MSI2: variants seen among roughly 807,000 people sequenced by gnomAD.
MSI2 encodes the protein RNA-binding protein Musashi homolog 2.
In MSI2, 17 loss-of-function variants were observed where a neutral mutation model predicts 45.6. The ratio of observed to expected loss-of-function variants is 0.37; its 90% CI spans 0.26 to 0.56. The LOEUF (loss-of-function observed/expected upper bound fraction) is 0.56, where lower values mean the gene tolerates loss of function less well. Ranked by LOEUF, MSI2 falls within the 20% of genes least tolerant of loss-of-function variation. MSI2 has a pLI of 0.77. For synonymous variants in MSI2, 156 were observed against 158.2 expected, an observed-to-expected ratio of 0.99 and a Z score of 0.11; for missense variants, 293 against 444.2, an observed-to-expected ratio of 0.66 and a Z score of 3.06.
chr17:57,317,371 C>T (rs565431367), intron 5 of MSI2, among the ~76,000 whole-genome samples: 1 of 152,186 alleles, frequency 6.6e-6, no homozygotes, highest in South Asian at 2.1e-4. Context: ...AATTTTAACC[C>T]CATCAGAAAG....
intron 5 of MSI2, among the ~76,000 whole-genome samples, chr17:57,308,507 G>A (rs535244433): frequency 1.3e-5 from 2 of 152,320 alleles, no homozygotes; most frequent in South Asian, 2.1e-4. Flanking sequence ...TAAGCAGAAT[G>A]TTTTATTGTG....
In MSI2 at chr17:57,326,726, T is replaced by C. The variant is rs551385862; in HGVS notation, c.312+64534T>C. Among the ~76,000 whole-genome samples the C allele has an allele frequency of 3.5e-4, 54 of 152,366 alleles. 1 individual carries two copies. In the South Asian group the frequency reaches 0.01, roughly 29 times the overall value. ...AACACTAGCCCTATGAGAAGTTACT[T>C]ATCTTATCCCTGTTTGATAGATGGG... On this transcript the variant is annotated intron_variant, in intron 5 of 13. Coordinates refer to ENST00000284073, the MANE Select transcript of MSI2 (RefSeq NM_138962.4).
intron 11 of MSI2, among the ~76,000 whole-genome samples, chr17:57,673,946 T>C (rs1416037784): frequency 6.6e-6 from 1 of 151,894 alleles, no homozygotes; most frequent in Admixed American, 6.6e-5. Context: ...TACTTCTTTG[T>C]CTTTTTTTTT....
rs1445373586 is a variant in MSI2 at position 57,647,115 on chromosome 17, A to G, written c.728-4984A>G. Among the ~76,000 whole-genome samples, 4 of 151,926 alleles carry G rather than the reference A, an allele frequency of 2.6e-5. No homozygotes were observed. In the East Asian group the frequency reaches 7.7e-4, roughly 29 times the overall value. The stretch of plus-strand genomic sequence containing the variant: ...CTATGAAGTTGGGATATTATGAAGG[A>G]TACCAGACCACTGTAATCAATAAGA... On this transcript the variant is annotated intron_variant, in intron 10 of 13. Transcript: ENST00000284073.
chr17:57,662,620 C>T (rs1415779120), intron 11 of MSI2, among the ~76,000 whole-genome samples: 2 of 152,244 alleles, frequency 1.3e-5, no homozygotes, highest in African/African-American at 4.8e-5. Context: ...AGCGGACGCT[C>T]CATCGTACCA....
intron 5 of MSI2, among the ~76,000 whole-genome samples, chr17:57,308,952 G>T (rs369546989): frequency 6.6e-6 from 1 of 152,104 alleles, no homozygotes; most frequent in Non-Finnish European, 1.5e-5. Flanking sequence ...TCAGTTACTC[G>T]TGCAAGGCCA....
rs1913705893 is a variant in MSI2, at chr17:57,682,955, G to A, written c.*3438G>A. The A allele has an allele frequency of 4.4e-6, 1 of 228,674 alleles. No homozygotes were observed. The highest frequency in any genetic ancestry group is 8.7e-6 in the Non-Finnish European group (1 of 115,232). The allele number at this position is 228,674 out of a possible 1,614,324, so 14.2% of individuals were successfully genotyped here. On this transcript the variant is annotated 3_prime_UTR_variant, in exon 14 of 14. Transcript: ENST00000284073. ...CCAAGCCTTGGTCTGCTCTCTAGCA[G>A]CTTCCACAGACTTGGCTCGTGGCCT...
At chr17:57,554,247 A>T (rs959418919) in intron 7 of MSI2, among the ~76,000 whole-genome samples, 1 of 150,418 alleles carries the variant, frequency 6.6e-6, no homozygotes, top group East Asian at 1.9e-4. Context: ...GAGGGGGGGG[A>T]TGGTTCTTAA....
At chr17:57,497,797 G>A (rs1448852198) in intron 6 of MSI2, among the ~76,000 whole-genome samples, 1 of 152,198 alleles carries the variant, frequency 6.6e-6, no homozygotes, top group African/African-American at 2.4e-5. Flanking sequence ...GTAGTTGGGG[G>A]CCGCTGCACT....
At chr17:57,292,841 A>G (rs550367921) in intron 5 of MSI2, among the ~76,000 whole-genome samples, 2 of 152,310 alleles carry the variant, frequency 1.3e-5, no homozygotes, top group African/African-American at 4.8e-5. Flanking sequence ...TGAAGGAAGT[A>G]TAAATGTACA....
At chr17:57,530,151 T>C (rs2086791192) in intron 7 of MSI2, among the ~76,000 whole-genome samples, 1 of 152,116 alleles carries the variant, frequency 6.6e-6, no homozygotes, top group Non-Finnish European at 1.5e-5. Context: ...AAATAAAACA[T>C]TGTAGGTTCG....
chr17:57,659,963 T>C (rs1911874438), intron 11 of MSI2, among the ~76,000 whole-genome samples: 1 of 152,212 alleles, frequency 6.6e-6, no homozygotes, highest in Non-Finnish European at 1.5e-5. Context: ...GGTACTGTCC[T>C]AAGCCTGATT....
chr17:57,301,779 GTT>G (rs34281730), intron 5 of MSI2, among the ~76,000 whole-genome samples: 12 of 148,128 alleles, frequency 8.1e-5, no homozygotes, highest in East Asian at 2.0e-4. Context: ...AATATTCTTG[GTT>G]TTTTTTTTTT....
Position 57,571,872 on chromosome 17 carries a change from C to G in MSI2, c.455-24996C>G, listed in dbSNP as rs116263044. 6.0e-3 allele frequency among the ~76,000 whole-genome samples: 907 copies of G among 152,316 alleles called. 5 individuals carry two copies. Among genetic ancestry groups the G allele is most frequent in the African/African-American group, 0.021 (865 of 41,556 alleles). On this transcript the variant is annotated intron_variant, in intron 7 of 13. Coordinates refer to ENST00000284073, the MANE Select transcript of MSI2 (RefSeq NM_138962.4). ...GACTGCGTGCCTCTGCCTTCCCCGCCCACATCAGGAGAGGGTCCCAAACCC... is the reference window on the plus strand; with the variant it reads ...GACTGCGTGCCTCTGCCTTCCCCGCGCACATCAGGAGAGGGTCCCAAACCC...
intron 7 of MSI2, among the ~76,000 whole-genome samples, chr17:57,548,321 T>C (rs1039682283): frequency 1.1e-4 from 16 of 151,822 alleles, no homozygotes; most frequent in African/African-American, 3.9e-4. Flanking sequence ...AGCTCTGACA[T>C]ATTAATTCGT....
chr17:57,513,916 A>G (rs899036732), intron 6 of MSI2, among the ~76,000 whole-genome samples: 3 of 152,190 alleles, frequency 2.0e-5, no homozygotes, highest in African/African-American at 7.2e-5. Context: ...AACGACAAAA[A>G]AAGAAATGTA....
chr17:57,321,505 A>C (rs1913341621), intron 5 of MSI2, among the ~76,000 whole-genome samples: 1 of 152,132 alleles, frequency 6.6e-6, no homozygotes, highest in Non-Finnish European at 1.5e-5. Context: ...GCTTCTCTGG[A>C]AACAGGAGGA....
chr17:57,352,469 A>G (rs1272836611), intron 5 of MSI2, among the ~76,000 whole-genome samples: 2 of 152,242 alleles, frequency 1.3e-5, no homozygotes, highest in African/African-American at 4.8e-5. Context: ...AGGGAAGCAG[A>G]TGAAGAGGAG....
chr17:57,294,338 G>A (rs1910735909), intron 5 of MSI2, among the ~76,000 whole-genome samples: 1 of 152,148 alleles, frequency 6.6e-6, no homozygotes, highest in African/African-American at 2.4e-5. Context: ...GTGCCGGCAG[G>A]TGCAGGGGCA....
Sources: gnomAD v4.1 joint callset for allele counts (sites outside exome capture counted in the v4.1 genomes callset) on GRCh38, gnomAD v4.1.1 for gene constraint, MANE v1.5 for transcripts, NCBI Gene and HGNC (gene_info 2026-07-23, HGNC 2026-07-21) for gene names.